The following EYS variants were observed in gnomAD, a reference collection of about 807,000 sequenced individuals.
The protein encoded by EYS is EGF-like photoreceptor maintenance factor, also known as protein eyes shut homolog.
In EYS, 250 loss-of-function variants were observed where a neutral mutation model predicts 282.1. The ratio of observed to expected loss-of-function variants is 0.89; its 90% CI spans 0.80 to 0.98. The LOEUF is 0.98. EYS is among the 50% of genes least tolerant of loss of function. EYS has a pLI of 0.00. For synonymous variants in EYS, 1,355 were observed against 1,282.9 expected (o/e 1.06, Z -1.20); for missense variants, 4,016 against 3,709.0 (o/e 1.08, Z -2.15).
chr6:64,158,286 G>A (rs1774994501), intron 31 of EYS, among the ~76,000 whole-genome samples: 1 of 152,132 alleles, frequency 6.6e-6, no homozygotes, highest in African/African-American at 2.4e-5. Context: ...GTAGGCATAA[G>A]TGCTCAACAA....
chr6:64,376,482 TA>T (rs1300179867), intron 29 of EYS, among the ~76,000 whole-genome samples: 3 of 152,214 alleles, frequency 2.0e-5, no homozygotes, highest in Admixed American at 6.5e-5. Flanking sequence ...GTCGGTGACA[TA>T]ATATCTTAGA....
intron 2 of EYS, among the ~76,000 whole-genome samples, chr6:65,505,077 T>C (rs1766604917): frequency 6.6e-6 from 1 of 151,946 alleles, no homozygotes; most frequent in African/African-American, 2.4e-5. Context: ...ATTGATTCAA[T>C]TTCTTTAATA....
At chr6:64,028,188 A>G (rs1365130840) in intron 33 of EYS, among the ~76,000 whole-genome samples, 1 of 152,214 alleles carries the variant, frequency 6.6e-6, no homozygotes, top group East Asian at 1.9e-4. Context: ...TGAGGAGGGA[A>G]TCAATCCTGA....
chr6:65,108,878 T>C (rs966053268), intron 12 of EYS, among the ~76,000 whole-genome samples: 3 of 152,126 alleles, frequency 2.0e-5, no homozygotes, highest in Non-Finnish European at 2.9e-5. Flanking sequence ...TTTTTTTTCT[T>C]TTCAATATTT....
Position 64,836,766 on chromosome 6 carries a change from G to A in EYS, c.2993-13944C>T, listed in dbSNP as rs560007614. 3.3e-5 allele frequency among the ~76,000 whole-genome samples: 5 copies of A among 151,676 alleles called. No individual in the cohort carries two copies. In the South Asian group the frequency reaches 1.0e-3, roughly 31 times the overall value. On this transcript the variant is annotated intron_variant, in intron 19 of 42. Coordinates refer to ENST00000503581, the MANE Select transcript of EYS (RefSeq NM_001142800.2). ...ATTTAGAGAGCAATTTTAGTGAAAT[G>A]CTGTAAATAATCTCTTCAAATGTGA...
rs186604472 is a variant in EYS, at chr6:63,905,629, C to T, written c.7056-41271G>A. On this transcript the variant is annotated intron_variant, in intron 35 of 42. Coordinates refer to ENST00000503581, the MANE Select transcript of EYS (RefSeq NM_001142800.2). ...ACAGGCGTAAGCCACCGCGCCTGGC[C>T]AAATAAGGGGATTTCAGGAGTAAAA... Among the ~76,000 whole-genome samples, 304 of 152,180 alleles carry T rather than the reference C, an allele frequency of 2.0e-3. 9 individuals are homozygous for T. Among genetic ancestry groups the T allele is most frequent in the Non-Finnish European group, 6.5e-4 (44 of 68,010 alleles).
chr6:64,139,956 A>G (rs539914573), intron 31 of EYS, among the ~76,000 whole-genome samples: 1 of 148,886 alleles, frequency 6.7e-6, no homozygotes, highest in African/African-American at 2.5e-5. Context: ...TGACAGAGCA[A>G]GATTCTGTCT....
chr6:63,789,347 C>T (rs1770450397), intron 37 of EYS, 123 bp from the exon 38 acceptor site: 4 of 926,840 alleles, frequency 4.3e-6, no homozygotes, highest in South Asian at 1.9e-5. Context: ...CATATTTAGT[C>T]TCTAGTCAGC....
intron 12 of EYS, among the ~76,000 whole-genome samples, chr6:65,143,335 T>A (rs1181136175): frequency 6.6e-6 from 1 of 151,894 alleles, no homozygotes; most frequent in Non-Finnish European, 1.5e-5. Context: ...CAAATCTAAT[T>A]TGTGGTGGAA....
intron 13 of EYS, among the ~76,000 whole-genome samples, chr6:65,015,987 G>T (rs914227533): frequency 6.6e-6 from 1 of 150,966 alleles, no homozygotes; most frequent in African/African-American, 2.4e-5. Context: ...AGATGTTGCA[G>T]GGAGCTGAGA....
At chr6:64,024,017 CCT>C (rs1400768029) in intron 33 of EYS, among the ~76,000 whole-genome samples, 7 of 152,190 alleles carry the variant, frequency 4.6e-5, no homozygotes, top group Non-Finnish European at 1.0e-4. Flanking sequence ...TGAGCCTCCC[CCT>C]CTCTCTGTGG....
rs552526786 is a variant in EYS at position 65,424,494 on chromosome 6, A to G, written c.863-19127T>C. Among the ~76,000 whole-genome samples the G allele has an allele frequency of 3.9e-5, 6 of 152,122 alleles. No homozygotes were observed. In the East Asian group the frequency reaches 1.2e-3, roughly 29 times the overall value. On this transcript the variant is annotated intron_variant, in intron 5 of 42. Coordinates refer to ENST00000503581, the MANE Select transcript of EYS (RefSeq NM_001142800.2). ...AAACCTATTTTTAATACACAGTATT[A>G]AATAAATGCATTCATCCTCTTGTGC...
chr6:64,254,799 G>A (rs939336156), intron 30 of EYS, among the ~76,000 whole-genome samples: 12 of 152,048 alleles, frequency 7.9e-5, no homozygotes, highest in Admixed American at 6.6e-4. Context: ...TTTGGATCCT[G>A]ACTAATACAT....
At chr6:64,739,550 T>C (rs964805551) in intron 22 of EYS, among the ~76,000 whole-genome samples, 1 of 152,198 alleles carries the variant, frequency 6.6e-6, no homozygotes, top group Non-Finnish European at 1.5e-5. Context: ...ATCAGACAGA[T>C]TGCATGTGTA....
At chr6:64,675,428 CTTTTTTTT>C (rs56346431) in intron 22 of EYS, among the ~76,000 whole-genome samples, 5 of 114,626 alleles carry the variant, frequency 4.4e-5, no homozygotes, top group African/African-American at 1.4e-4. Context: ...CTTTTTTTTT[CTTTTTTTT>C]TTTTTTTTTG....
chr6:63,755,911 C>T (rs1170586172), intron 41 of EYS, among the ~76,000 whole-genome samples: 1 of 152,146 alleles, frequency 6.6e-6, no homozygotes, highest in Non-Finnish European at 1.5e-5. Context: ...AATGGGAGTT[C>T]ACTCATGATT....
chr6:65,260,812 A>G (rs1232997576), intron 12 of EYS, among the ~76,000 whole-genome samples: 4 of 152,152 alleles, frequency 2.6e-5, no homozygotes, highest in Non-Finnish European at 4.4e-5. Context: ...ATAATAAAAG[A>G]GAAAACTGAA....
At chr6:64,052,168 T>G (rs1470841263) in intron 33 of EYS, among the ~76,000 whole-genome samples, 1 of 152,172 alleles carries the variant, frequency 6.6e-6, no homozygotes, top group Non-Finnish European at 1.5e-5. Context: ...AGTATAGAAA[T>G]AAAATTTGCT....
intron 26 of EYS, among the ~76,000 whole-genome samples, chr6:64,560,731 T>C (rs1052870184): frequency 1.3e-5 from 2 of 152,116 alleles, no homozygotes; most frequent in African/African-American, 4.8e-5. Flanking sequence ...GTTTGTTATA[T>C]AAAAATAGGT....
Sources: allele counts gnomAD v4.1 joint callset (sites outside exome capture counted in the v4.1 genomes callset), GRCh38; gene constraint gnomAD v4.1.1; transcripts MANE v1.5; gene names NCBI Gene and HGNC (gene_info 2026-07-23, HGNC 2026-07-21).